The following LRRC37A2 variants were observed in gnomAD, a reference collection of about 807,000 sequenced individuals.
LRRC37A2 encodes leucine-rich repeat-containing protein 37A2.
In LRRC37A2, 9 loss-of-function variants were observed where a neutral mutation model predicts 68.8. That is an observed-to-expected ratio of 0.13 (90% CI 0.08 to 0.23). LRRC37A2 has a LOEUF of 0.23. Among genes scored for constraint, LRRC37A2 ranks in the 10% least tolerant of loss-of-function variants. The pLI is 1.00. For synonymous variants in LRRC37A2, 63 were observed against 367.6 expected (o/e 0.17, Z 9.48); for missense variants, 168 against 950.4 (o/e 0.18, Z 10.82).
the LRRC37A2 span, among the ~76,000 whole-genome samples, chr17:46,711,589 A>G: frequency 2.0e-5 from 3 of 152,342 alleles, no homozygotes; most frequent in South Asian, 6.2e-4. Flanking sequence ...GGTCAGGGAA[A>G]ACTAGAGATG....
At chr17:46,878,320 G>A in the LRRC37A2 span, among the ~76,000 whole-genome samples, 774 of 152,298 alleles carry the variant, frequency 5.1e-3, 1 homozygote, top group Admixed American at 7.4e-3. Context: ...CAGAAACCTC[G>A]CCTGTGCCAG....
the LRRC37A2 span, among the ~76,000 whole-genome samples, chr17:47,029,804 C>T: frequency 6.6e-6 from 1 of 152,094 alleles, no homozygotes; most frequent in African/African-American, 2.4e-5. Flanking sequence ...AGCGGTGGCT[C>T]ATGCCTGTAA....
At chr17:46,798,768 G>C in the LRRC37A2 span, among the ~76,000 whole-genome samples, 5 of 152,194 alleles carry the variant, frequency 3.3e-5, no homozygotes, top group Non-Finnish European at 7.3e-5. Flanking sequence ...ATCCCTGATA[G>C]GCTGGGCGCA....
chr17:46,501,835 A>C, the LRRC37A2 span, among the ~76,000 whole-genome samples: 1 of 151,246 alleles, frequency 6.6e-6, no homozygotes, highest in African/African-American at 2.5e-5. Context: ...TTCTCATTGA[A>C]TTAACCTTGA....
the LRRC37A2 span, among the ~76,000 whole-genome samples, chr17:46,580,005 A>G: frequency 6.7e-6 from 1 of 149,616 alleles, no homozygotes; most frequent in Admixed American, 6.7e-5. Flanking sequence ...GGTTTGAGCT[A>G]ACCTCGGAGC....
the LRRC37A2 span, among the ~76,000 whole-genome samples, chr17:46,879,714 C>G: frequency 6.6e-6 from 1 of 152,348 alleles, no homozygotes; most frequent in South Asian, 2.1e-4. Flanking sequence ...TACGGGCTGA[C>G]CTGCTCTGAG....
the LRRC37A2 span, among the ~76,000 whole-genome samples, chr17:46,750,345 T>C: frequency 6.6e-6 from 1 of 152,118 alleles, no homozygotes; most frequent in Non-Finnish European, 1.5e-5. Context: ...GGAGCAAAAC[T>C]CTAACAACAA....
chr17:46,851,317 G>C, the LRRC37A2 span, among the ~76,000 whole-genome samples: 8 of 151,984 alleles, frequency 5.3e-5, no homozygotes, highest in East Asian at 1.6e-3. This position sits in a 1 kb window ranked among gnomAD's most constrained non-coding sequence, Gnocchi z 4.3. Flanking sequence ...CAGGCCCGGG[G>C]GGCTTCACGT....
At chr17:46,801,037 T>C in the LRRC37A2 span, among the ~76,000 whole-genome samples, 1 of 152,166 alleles carries the variant, frequency 6.6e-6, no homozygotes, top group Non-Finnish European at 1.5e-5. Flanking sequence ...ACTCACTGAG[T>C]ACACACCTGA....
At chr17:47,026,429 G>T in the LRRC37A2 span, among the ~76,000 whole-genome samples, 1 of 152,190 alleles carries the variant, frequency 6.6e-6, no homozygotes, top group Non-Finnish European at 1.5e-5. Context: ...GAGAGGGCAC[G>T]TTAGAACTCA....
the LRRC37A2 span, among the ~76,000 whole-genome samples, chr17:46,976,394 A>T: frequency 0.14 from 20,610 of 151,338 alleles, 1,682 homozygotes; most frequent in African/African-American, 0.21. Flanking sequence ...AAATAAATAA[A>T]TAATTAGCCA....
chr17:46,768,003 G>T, the LRRC37A2 span, among the ~76,000 whole-genome samples: 14 of 152,260 alleles, frequency 9.2e-5, no homozygotes, highest in African/African-American at 3.4e-4. This position sits in a 1 kb window ranked among gnomAD's most constrained non-coding sequence, Gnocchi z 5.0. Context: ...GGCCAGGCCG[G>T]TCTCGAACTC....
the LRRC37A2 span, among the ~76,000 whole-genome samples, chr17:46,739,924 TC>T: frequency 6.6e-6 from 1 of 152,148 alleles, no homozygotes. Context: ...GGTCTCAAAC[TC>T]CTGGCCTCAA....
rs543381147 is a variant in LRRC37A2 at position 46,534,901 on chromosome 17, G to C, written c.2907-5275G>C. On this transcript the variant is annotated intron_variant, in intron 6 of 14. Transcript: ENST00000576629. ...TCACTTCTCAGACGGGGCGGCTGCT[G>C]GGCGGAGGGGCTCCTCACTTCTCAG... Among the ~76,000 whole-genome samples, 4 of 149,596 alleles carry C rather than the reference G, an allele frequency of 2.7e-5. No homozygotes were observed. In the East Asian group the frequency reaches 7.8e-4, roughly 29 times the overall value.
chr17:46,985,769 C>T, the LRRC37A2 span, among the ~76,000 whole-genome samples: 1 of 152,182 alleles, frequency 6.6e-6, no homozygotes, highest in Non-Finnish European at 1.5e-5. Context: ...TCCATTGGCT[C>T]ATTCATTAAC....
chr17:47,024,392 G>A, the LRRC37A2 span, among the ~76,000 whole-genome samples: 1 of 152,148 alleles, frequency 6.6e-6, no homozygotes, highest in Non-Finnish European at 1.5e-5. Flanking sequence ...ACCCAGAGTT[G>A]ATTCTAAAAG....
At chr17:46,791,697 G>A in the LRRC37A2 span, among the ~76,000 whole-genome samples, 78,062 of 152,148 alleles carry the variant, frequency 0.51, 20,302 homozygotes, top group Non-Finnish European at 0.56. Context: ...ATTCATCACA[G>A]AAGTAGGAAG....
the LRRC37A2 span, among the ~76,000 whole-genome samples, chr17:46,460,677 TAACTC>T: frequency 8.6e-4 from 43 of 49,904 alleles, 2 homozygotes; most frequent in African/African-American, 4.0e-3. Flanking sequence ...TAAGTAAAAT[TAACTC>T]AAGTGAATGA....
At chr17:46,922,911 C>A in the LRRC37A2 span, 4 of 554,464 alleles carry the variant, frequency 7.2e-6, no homozygotes, top group Admixed American at 3.1e-5. Context: ...TCCTTCCTAA[C>A]GCCTGACTGA....
Sources: allele counts gnomAD v4.1 joint callset (sites outside exome capture counted in the v4.1 genomes callset), GRCh38; gene constraint gnomAD v4.1.1; non-coding constraint Gnocchi (gnomAD v3.1); transcripts MANE v1.5; gene names NCBI Gene and HGNC (gene_info 2026-07-23, HGNC 2026-07-21).